The following EPB41L3 variants were observed in gnomAD, a reference collection of about 807,000 sequenced individuals.
EPB41L3 encodes erythrocyte membrane protein band 4.1 like 3, also known as band 4.1-like protein 3.
EPB41L3 carries 57 observed loss-of-function variants against 127.1 expected under a neutral mutation model. The observed-to-expected ratio is 0.45, with a 90% CI of 0.36 to 0.56. The LOEUF (loss-of-function observed/expected upper bound fraction) is 0.56, where lower values mean the gene tolerates loss of function less well. Among genes scored for constraint, EPB41L3 ranks in the 20% least tolerant of loss-of-function variants. EPB41L3 has a pLI of 0.00. For missense variants in EPB41L3, 1,273 were observed against 1,372.2 expected, an observed-to-expected ratio of 0.93 and a Z score of 1.14; for synonymous variants, 572 against 549.5, an observed-to-expected ratio of 1.04 and a Z score of -0.57.
At chr18:5,523,854 T>C (rs1455690892) in intron 1 of EPB41L3, among the ~76,000 whole-genome samples, 4 of 152,182 alleles carry the variant, frequency 2.6e-5, no homozygotes, top group Admixed American at 2.0e-4. Context: ...TCCTTTCTAC[T>C]TGTTTTAAAA....
chr18:5,614,632 T>G (rs1185905536), intron 1 of EPB41L3, among the ~76,000 whole-genome samples: 2 of 152,016 alleles, frequency 1.3e-5, no homozygotes, highest in Non-Finnish European at 2.9e-5. Flanking sequence ...TGTTGCAAAC[T>G]TTATCCATTC....
rs1325622720 is a variant in EPB41L3, at chr18:5,392,473, C to A, written c.*1012G>T. On this transcript the variant is annotated 3_prime_UTR_variant, in exon 23 of 23. Transcript: ENST00000341928. ...TGCAGGTGATCGTGTAATGGAGAAT[C>A]TCTCTTTTTGAAGGCTATTTATAAC... The A allele has an allele frequency of 6.6e-6, 1 of 152,532 alleles. No homozygotes were observed. The highest frequency in any genetic ancestry group is 2.4e-5 in the African/African-American group (1 of 41,424). 9.4% of individuals were successfully genotyped at this position (152,532 alleles called of 1,614,324 possible).
intron 2 of EPB41L3, among the ~76,000 whole-genome samples, chr18:5,483,090 G>C (rs2088908670): frequency 1.3e-5 from 2 of 152,086 alleles, no homozygotes; most frequent in Non-Finnish European, 2.9e-5. Flanking sequence ...ACAGCAACCA[G>C]TGAAGGGATA....
intron 13 of EPB41L3, among the ~76,000 whole-genome samples, chr18:5,415,258 T>C (rs2076656663): frequency 6.6e-6 from 1 of 152,208 alleles, no homozygotes; most frequent in Non-Finnish European, 1.5e-5. Flanking sequence ...CGGGATCTGA[T>C]TGACTGACCT....
In EPB41L3 at chr18:5,529,298, G is replaced by T. The variant is rs576829609; in HGVS notation, c.-12+14615C>A. Among the ~76,000 whole-genome samples the T allele has an allele frequency of 6.0e-5, 9 of 151,000 alleles. No homozygotes were observed. The East Asian group carries it at 1.7e-3, about 29-fold the overall frequency. ...ATACTTCTTTAAAAAATAAAACACG[G>T]TGGATAAAAATTACATCAAATACAT... On this transcript the variant is annotated intron_variant, in intron 1 of 22. Coordinates refer to ENST00000341928, the MANE Select transcript of EPB41L3 (RefSeq NM_012307.5).
intron 2 of EPB41L3, among the ~76,000 whole-genome samples, chr18:5,487,666 A>G (rs1309031591): frequency 6.6e-6 from 1 of 151,240 alleles, no homozygotes; most frequent in Non-Finnish European, 1.5e-5. Context: ...TAATTTTTGT[A>G]TTGGGCCCGG....
In EPB41L3 at chr18:5,613,165, G is replaced by A. The variant is rs145276241; in HGVS notation, c.-394-737C>T. 5.9e-3 allele frequency among the ~76,000 whole-genome samples: 901 copies of A among 152,332 alleles called. 6 individuals are homozygous for A. Among genetic ancestry groups the A allele is most frequent in the Admixed American group, 9.2e-3 (141 of 15,310 alleles). On this transcript the variant is annotated intron_variant, in intron 2 of 21. Transcript: ENST00000545076. ...CAGAGAGGAGGGACTTAGGGAGTAT[G>A]AGGTAGGAGTTCAGTCATCTCTTAA... is the stretch of plus-strand genomic sequence containing the variant.
chr18:5,546,263 T>G (rs1386192125), upstream of EPB41L3, among the ~76,000 whole-genome samples: 1 of 152,208 alleles, frequency 6.6e-6, no homozygotes, highest in Non-Finnish European at 1.5e-5. Context: ...CCAGGCGCAG[T>G]GGCTCATGCC....
At chr18:5,472,935 T>A (rs183195091) in intron 3 of EPB41L3, among the ~76,000 whole-genome samples, 51 of 152,270 alleles carry the variant, frequency 3.3e-4, no homozygotes, top group Middle Eastern at 3.4e-3. Context: ...CTTACAAGCA[T>A]CTCTGGATGG....
At chr18:5,463,115 C>T (rs1300868063) in intron 3 of EPB41L3, among the ~76,000 whole-genome samples, 1 of 152,182 alleles carries the variant, frequency 6.6e-6, no homozygotes, top group Non-Finnish European at 1.5e-5. Context: ...TTCTCTCTAC[C>T]TCATTGCCAA....
chr18:5,401,086 C>G, intron 16 of EPB41L3: 1 of 1,341,576 alleles, frequency 7.5e-7, no homozygotes, highest in Non-Finnish European at 1.0e-6. Context: ...AGGAAGTAGA[C>G]AGTTTCCAAA....
At chr18:5,618,033 A>G (rs1448160835) in intron 1 of EPB41L3, among the ~76,000 whole-genome samples, 4 of 152,200 alleles carry the variant, frequency 2.6e-5, no homozygotes, top group Admixed American at 6.5e-5. Flanking sequence ...TTCATAACAT[A>G]GGTTTAATAT....
Position 5,611,920 on chromosome 18 carries a change from C to T in EPB41L3, c.-306+420G>A, listed in dbSNP as rs184983106. 6.8e-4 allele frequency among the ~76,000 whole-genome samples: 103 copies of T among 152,278 alleles called. 2 individuals are homozygous for T. The South Asian group carries it at 1.0e-2, about 15-fold the overall frequency. On this transcript the variant is annotated intron_variant, in intron 3 of 21. Transcript: ENST00000545076. ...GCTGCAGTGAGCCATGATCACACCA[C>T]TGTACTCCTGCCTGGGTGACAAAGA...
At chr18:5,533,203 C>T (rs192465702) in intron 1 of EPB41L3, among the ~76,000 whole-genome samples, 126 of 152,248 alleles carry the variant, frequency 8.3e-4, no homozygotes, top group African/African-American at 3.0e-3. Flanking sequence ...GGCTTGCTGC[C>T]TCTTTGCGCC....
intron 12 of EPB41L3, among the ~76,000 whole-genome samples, chr18:5,417,296 T>C (rs938901919): frequency 6.6e-6 from 1 of 152,200 alleles, no homozygotes; most frequent in African/African-American, 2.4e-5. Flanking sequence ...TTTCCACAGG[T>C]GCTCCCCTGG....
In EPB41L3 at chr18:5,397,122, C is replaced by T. The variant is rs749000237; in HGVS notation, c.2777G>A (p.Arg926Gln). 8.7e-6 allele frequency: 14 copies of T among 1,614,130 alleles called. No homozygotes were observed. Among genetic ancestry groups the T allele is most frequent in the Middle Eastern group, 1.6e-4 (1 of 6,062 alleles). ...GATGGCTGCACTCTGCTCCTCTTGTCGCTCACGGGAAGCAGCGGCTGTCTC... is the reference window on the plus strand; with the variant it reads ...GATGGCTGCACTCTGCTCCTCTTGTTGCTCACGGGAAGCAGCGGCTGTCTC... ...QEETAAASRE[R>Q]QEEQSAAIHI... The change falls in exon 18 of 23, where the codon CGA becomes CAA. Residue 926 changes from arginine (R) to glutamine (Q), a missense_variant. Around this residue, in one of 3 missense-constraint regions of EPB41L3, gnomAD observed 765 missense variants for 782.9 expected, o/e 0.98. Transcript: ENST00000341928. This position sits in a 1 kb window ranked among gnomAD's most constrained non-coding sequence, Gnocchi z 4.1.
chr18:5,437,323 T>G (rs1190691034), intron 6 of EPB41L3, among the ~76,000 whole-genome samples: 1 of 152,214 alleles, frequency 6.6e-6, no homozygotes, highest in Admixed American at 6.5e-5. Flanking sequence ...GTCAGCATTC[T>G]GCAACCCAGA....
intron 2 of EPB41L3, among the ~76,000 whole-genome samples, chr18:5,485,348 C>G (rs986289063): frequency 7.3e-5 from 11 of 151,708 alleles, no homozygotes; most frequent in Non-Finnish European, 1.5e-5. Flanking sequence ...GAACATACCC[C>G]GAAATAATAC....
intron 3 of EPB41L3, among the ~76,000 whole-genome samples, chr18:5,455,039 C>A (rs2146805285): frequency 6.6e-6 from 1 of 152,214 alleles, no homozygotes; most frequent in South Asian, 2.1e-4. Context: ...TCATTGTTTT[C>A]ATTATAAAAT....
Sources: allele counts gnomAD v4.1 joint callset (sites outside exome capture counted in the v4.1 genomes callset), GRCh38; gene constraint gnomAD v4.1.1; regional missense constraint gnomAD v4.1.1; non-coding constraint Gnocchi (gnomAD v3.1); transcripts MANE v1.5; gene names NCBI Gene and HGNC (gene_info 2026-07-23, HGNC 2026-07-21).